The following ADAM10 variants were observed in gnomAD, a reference collection of about 807,000 sequenced individuals.
ADAM10 encodes the protein ADAM metallopeptidase domain 10.
In ADAM10, 17 loss-of-function variants were observed where a neutral mutation model predicts 90.1. That is an observed-to-expected ratio of 0.19 (90% confidence interval 0.13 to 0.28). The LOEUF is 0.28. Among genes scored for constraint, ADAM10 ranks in the 10% least tolerant of loss-of-function variants. The pLI is 1.00. For missense variants in ADAM10, 610 were observed against 914.3 expected (o/e 0.67, Z 4.29); for synonymous variants, 310 against 298.6 (o/e 1.04, Z -0.40).
chr15:58,604,545 C>A (rs1443877972), intron 14 of ADAM10, among the ~76,000 whole-genome samples: 1 of 152,098 alleles, frequency 6.6e-6, no homozygotes, highest in East Asian at 1.9e-4. Context: ...AGTACCTACC[C>A]AACAAACAAA....
intron 5 of ADAM10, among the ~76,000 whole-genome samples, chr15:58,646,999 T>A (rs1480930121): frequency 2.6e-5 from 4 of 152,184 alleles, no homozygotes; most frequent in Non-Finnish European, 4.4e-5. Flanking sequence ...CTGATCTTGT[T>A]AATGGCTTCC....
chr15:58,748,566 G>A (rs144084013), intron 1 of ADAM10: 2,777 of 197,816 alleles, frequency 0.014, 28 homozygotes, highest in Non-Finnish European at 0.019. Flanking sequence ...TGACTTTCAT[G>A]TGCAGGGGGG....
intron 8 of ADAM10, among the ~76,000 whole-genome samples, chr15:58,637,964 C>T (rs1178309726): frequency 6.6e-6 from 1 of 151,822 alleles, no homozygotes; most frequent in Admixed American, 6.6e-5. Context: ...AAATATGAAA[C>T]TCAGTTCAGC....
chr15:58,727,391 A>G (rs1383338374), intron 1 of ADAM10, among the ~76,000 whole-genome samples: 1 of 151,990 alleles, frequency 6.6e-6, no homozygotes, highest in African/African-American at 2.4e-5. Flanking sequence ...GGGTTTTGCC[A>G]TGTTGGCCAG....
At chr15:58,692,031 C>T in intron 2 of ADAM10, 1 of 464,388 alleles carries the variant, frequency 2.2e-6, no homozygotes, top group Middle Eastern at 3.3e-4. Flanking sequence ...TCTGCTGGAG[C>T]ATTTCCCGGG....
At chr15:58,624,580 A>G (rs1262625213) in intron 10 of ADAM10, among the ~76,000 whole-genome samples, 1 of 152,160 alleles carries the variant, frequency 6.6e-6, no homozygotes, top group Non-Finnish European at 1.5e-5. Flanking sequence ...TGCCCAGGTT[A>G]AAGTGCAGTG....
rs1439292354 is a variant in ADAM10 at position 58,593,658 on chromosome 15, T to G, written c.*3889A>C. ...TCTTGTTCAATTCACCTTGTCCTTG[T>G]TGGATTACCCCACACCCTATCACTT... On this transcript the variant is annotated 3_prime_UTR_variant, in exon 16 of 16. Transcript: ENST00000260408. 2 of 152,220 alleles carry G rather than the reference T, an allele frequency of 1.3e-5. No individual in the cohort carries two copies. The highest frequency in any genetic ancestry group is 2.9e-5 in the Non-Finnish European group (2 of 68,044). 9.4% of individuals were successfully genotyped at this position (152,220 alleles called of 1,614,324 possible).
rs200794673 is a variant in ADAM10 at position 58,665,218 on chromosome 15, G to A, written c.485-21C>T. The A allele has an allele frequency of 4.7e-5, 71 of 1,510,808 alleles. 1 individual carries two copies. Among genetic ancestry groups the A allele is most frequent in the East Asian group, 9.0e-5 (4 of 44,312 alleles). 93.6% of individuals were successfully genotyped at this position (1,510,808 alleles called of 1,614,324 possible). ...ATAGTCTAAAATACAAAGAAGAAAC[G>A]TCATTACTATCACACATTTAGGTAT... On this transcript the variant is annotated intron_variant, in intron 4 of 15. Transcript: ENST00000260408.
intron 5 of ADAM10, among the ~76,000 whole-genome samples, chr15:58,660,199 A>AT (rs1393109209): frequency 3.3e-5 from 5 of 149,656 alleles, no homozygotes; most frequent in Middle Eastern, 3.2e-3. Context: ...TTTTCTTTTT[A>AT]TTTTTTTTTA....
At chr15:58,692,914 T>C (rs778552458) in intron 2 of ADAM10, 3 of 700,240 alleles carry the variant, frequency 4.3e-6, no homozygotes, top group Middle Eastern at 2.5e-4. Flanking sequence ...GAGATCAGCC[T>C]TGGTCATGCC....
chr15:58,734,656 T>C (rs1387329138), intron 1 of ADAM10, among the ~76,000 whole-genome samples: 1 of 150,194 alleles, frequency 6.7e-6, no homozygotes, highest in Non-Finnish European at 1.5e-5. Context: ...GCCAAGATCG[T>C]GCCACTGCAA....
At chr15:58,668,266 T>G (rs1897121437) in intron 4 of ADAM10, among the ~76,000 whole-genome samples, 1 of 152,148 alleles carries the variant, frequency 6.6e-6, no homozygotes, top group Non-Finnish European at 1.5e-5. Context: ...ACTCAAAAAA[T>G]GTTTATTAAC....
chr15:58,642,618 A>C (rs16940644), intron 7 of ADAM10, among the ~76,000 whole-genome samples: 2,305 of 152,328 alleles, frequency 0.015, 67 homozygotes, highest in African/African-American at 0.052. Flanking sequence ...GTCTAAAAAC[A>C]ACCAACTACC....
intron 1 of ADAM10, among the ~76,000 whole-genome samples, chr15:58,725,667 A>G (rs1211328122): frequency 6.6e-6 from 1 of 152,218 alleles, no homozygotes; most frequent in East Asian, 1.9e-4. Context: ...GAAGCACTAA[A>G]GGAGCCAGAA....
At chr15:58,641,431 T>G (rs557168219) in intron 7 of ADAM10, among the ~76,000 whole-genome samples, 1 of 152,312 alleles carries the variant, frequency 6.6e-6, no homozygotes, top group South Asian at 2.1e-4. Flanking sequence ...AGACTGTCAG[T>G]TCAGCAGACA....
rs113811865 is a variant in ADAM10, at chr15:58,720,552, C to T, written c.56-2825G>A. Among the ~76,000 whole-genome samples the T allele has an allele frequency of 1.8e-3, 274 of 152,098 alleles. 2 individuals are homozygous for T. Among genetic ancestry groups the T allele is most frequent in the African/African-American group, 6.4e-3 (265 of 41,490 alleles). ...AGTAACTGGAGACTACAGGCACCTG[C>T]CACCACGCCCGGCTAATTTTTTGTA... On this transcript the variant is annotated intron_variant, in intron 1 of 15. Coordinates refer to ENST00000260408, the MANE Select transcript of ADAM10 (RefSeq NM_001110.4).
chr15:58,648,059 T>G (rs780774818), intron 5 of ADAM10, among the ~76,000 whole-genome samples: 1 of 152,220 alleles, frequency 6.6e-6, no homozygotes, highest in African/African-American at 2.4e-5. Context: ...AAATTTGTAT[T>G]ATATGCCAAA....
chr15:58,666,458 C>T (rs1393905681), intron 4 of ADAM10, among the ~76,000 whole-genome samples: 1 of 151,856 alleles, frequency 6.6e-6, no homozygotes, highest in African/African-American at 2.4e-5. Context: ...TTTCCAGAGT[C>T]TATTCTCAAT....
intron 1 of ADAM10, among the ~76,000 whole-genome samples, chr15:58,724,710 G>GC (rs1402504315): frequency 6.6e-6 from 1 of 152,178 alleles, no homozygotes; most frequent in Non-Finnish European, 1.5e-5. Flanking sequence ...ACTGATCTAA[G>GC]CATGTGAGAA....
Sources: gnomAD v4.1 joint callset for allele counts (sites outside exome capture counted in the v4.1 genomes callset) on GRCh38, gnomAD v4.1.1 for gene constraint, MANE v1.5 for transcripts, NCBI Gene and HGNC (gene_info 2026-07-23, HGNC 2026-07-21) for gene names.